MAP3K20: variants seen among roughly 807,000 people sequenced by gnomAD.
MAP3K20 encodes mitogen-activated protein kinase kinase kinase 20.
A neutral mutation model predicts 85.7 loss-of-function variants in MAP3K20; 40 were observed. That is an observed-to-expected ratio of 0.47 (90% confidence interval 0.36 to 0.61). The LOEUF is 0.61. MAP3K20 is among the 20% of genes least tolerant of loss of function. MAP3K20 has a pLI of 0.00. For missense variants in MAP3K20, 817 were observed against 961.7 expected (o/e 0.85, Z 1.99); for synonymous variants, 325 against 327.7 (o/e 0.99, Z 0.09).
chr2:173,142,827 AG>A (rs1462589197), intron 2 of MAP3K20, among the ~76,000 whole-genome samples: 1 of 152,196 alleles, frequency 6.6e-6, no homozygotes, highest in Non-Finnish European at 1.5e-5. Context: ...AAATGAATTA[AG>A]CACCCCAATT....
intron 7 of MAP3K20, among the ~76,000 whole-genome samples, chr2:173,191,572 A>C (rs994796606): frequency 6.6e-6 from 1 of 152,188 alleles, no homozygotes; most frequent in Non-Finnish European, 1.5e-5. Context: ...AAACAGTATA[A>C]AATCACCAAT....
chr2:173,226,958 A>G (rs991791765), intron 11 of MAP3K20: 2 of 985,400 alleles, frequency 2.0e-6, no homozygotes, highest in African/African-American at 3.5e-5. Context: ...ATGGAAGATT[A>G]AATTTTACTC....
chr2:173,260,566 T>C (rs929030609), intron 17 of MAP3K20, among the ~76,000 whole-genome samples: 3 of 152,128 alleles, frequency 2.0e-5, no homozygotes, highest in African/African-American at 7.2e-5. Context: ...TTTAATATAG[T>C]GGGAAAACAT....
At chr2:173,097,722 T>C (rs1687503989) in intron 2 of MAP3K20, among the ~76,000 whole-genome samples, 4 of 152,198 alleles carry the variant, frequency 2.6e-5, no homozygotes, top group Non-Finnish European at 4.4e-5. Flanking sequence ...TAAATATTTA[T>C]AGATAAGGAG....
chr2:173,189,570 C>A (rs1217706629), intron 5 of MAP3K20, among the ~76,000 whole-genome samples: 2 of 152,176 alleles, frequency 1.3e-5, no homozygotes, highest in African/African-American at 4.8e-5. Context: ...GACACATCCA[C>A]ATAGATATTT....
chr2:173,247,677 A>G (rs964424136), intron 16 of MAP3K20, among the ~76,000 whole-genome samples: 1 of 152,196 alleles, frequency 6.6e-6, no homozygotes, highest in Non-Finnish European at 1.5e-5. Context: ...AAAATTTGCA[A>G]ATTTGATCTC....
chr2:173,239,539 T>C, intron 16 of MAP3K20, 43 bp downstream of exon 16: 1 of 1,564,250 alleles, frequency 6.4e-7, no homozygotes, highest in Non-Finnish European at 8.7e-7. Context: ...TCAATCGAAC[T>C]ACTCTTTTTT....
intron 5 of MAP3K20, among the ~76,000 whole-genome samples, chr2:173,190,447 A>T (rs1027076755): frequency 1.3e-5 from 2 of 152,228 alleles, no homozygotes; most frequent in Non-Finnish European, 2.9e-5. Context: ...GCAAATATTT[A>T]TTAAATGAAT....
At chr2:173,200,741 A>G (rs1488510985) in intron 8 of MAP3K20, among the ~76,000 whole-genome samples, 2 of 152,100 alleles carry the variant, frequency 1.3e-5, no homozygotes, top group South Asian at 2.1e-4. Flanking sequence ...GGCTGCCACC[A>G]TTATCATACC....
At chr2:173,214,668 A>G (rs1684015598) in intron 10 of MAP3K20, among the ~76,000 whole-genome samples, 1 of 152,212 alleles carries the variant, frequency 6.6e-6, no homozygotes, top group Non-Finnish European at 1.5e-5. Context: ...GAAAGAAGAT[A>G]ATTACGGTTC....
intron 9 of MAP3K20, among the ~76,000 whole-genome samples, chr2:173,207,021 T>C (rs75792711): frequency 0.019 from 2,289 of 119,278 alleles, 34 homozygotes; most frequent in Admixed American, 0.052. Flanking sequence ...TGCTGTTCTT[T>C]TGCAATGAGG....
intron 2 of MAP3K20, among the ~76,000 whole-genome samples, chr2:173,107,645 G>A (rs771765988): frequency 6.6e-6 from 1 of 152,144 alleles, no homozygotes; most frequent in Non-Finnish European, 1.5e-5. Flanking sequence ...TAAGAGCCTG[G>A]GCTTTAGCGT....
intron 2 of MAP3K20, among the ~76,000 whole-genome samples, chr2:173,132,220 ACAGAT>A (rs1688638531): frequency 6.6e-6 from 1 of 152,154 alleles, no homozygotes; most frequent in African/African-American, 2.4e-5. Context: ...AGAAGAAAAA[ACAGAT>A]CAGATCATGT....
At chr2:173,192,436 A>G (rs1690685043) in intron 7 of MAP3K20, among the ~76,000 whole-genome samples, 1 of 152,224 alleles carries the variant, frequency 6.6e-6, no homozygotes, top group African/African-American at 2.4e-5. Flanking sequence ...CAAGAATGAA[A>G]TATGTTTTTG....
At chr2:173,218,732 A>G (rs1352110004) in intron 11 of MAP3K20, among the ~76,000 whole-genome samples, 4 of 152,204 alleles carry the variant, frequency 2.6e-5, no homozygotes, top group Non-Finnish European at 4.4e-5. Context: ...GTAAGAAAAA[A>G]CTTTACCCAT....
intron 3 of MAP3K20, among the ~76,000 whole-genome samples, chr2:173,174,606 T>C (rs1269421752): frequency 2.0e-5 from 3 of 152,226 alleles, no homozygotes; most frequent in Non-Finnish European, 2.9e-5. Context: ...CAGTCTATCA[T>C]TGATGGGCAT....
chr2:173,160,135 T>C (rs1056533004), intron 2 of MAP3K20: 5 of 152,206 alleles, frequency 3.3e-5, no homozygotes, highest in African/African-American at 1.2e-4. Flanking sequence ...TATTCTATTA[T>C]GGGTTTGAAT....
At chr2:173,139,099 G>A (rs1318003281) in intron 2 of MAP3K20, among the ~76,000 whole-genome samples, 1 of 152,164 alleles carries the variant, frequency 6.6e-6, no homozygotes, top group African/African-American at 2.4e-5. Flanking sequence ...TTTGCCATTT[G>A]TAAAGCACTG....
intron 2 of MAP3K20, among the ~76,000 whole-genome samples, chr2:173,147,788 T>C (rs1250556592): frequency 1.3e-5 from 2 of 152,264 alleles, no homozygotes; most frequent in East Asian, 1.9e-4. Context: ...GGTTTCACCA[T>C]GTTGGCCAGG....
Sources: allele counts gnomAD v4.1 joint callset (sites outside exome capture counted in the v4.1 genomes callset), GRCh38; gene constraint gnomAD v4.1.1; transcripts MANE v1.5; gene names NCBI Gene and HGNC (gene_info 2026-07-23, HGNC 2026-07-21).